PYGM: variants seen among roughly 807,000 people sequenced by gnomAD.
PYGM encodes glycogen phosphorylase, muscle associated.
A neutral mutation model predicts 99.3 loss-of-function variants in PYGM; 81 were observed. The ratio of observed to expected loss-of-function variants is 0.82; its 90% confidence interval spans 0.68 to 0.98. PYGM has a LOEUF of 0.98. Among genes scored for constraint, PYGM ranks in the 50% least tolerant of loss-of-function variants. The probability of loss-of-function intolerance (pLI) is 0.00; values close to 1 mark genes in which losing one functional copy is unlikely to be tolerated. For synonymous variants in PYGM, 436 were observed against 451.5 expected (o/e 0.97, Z 0.44); for missense variants, 1,030 against 1,158.1 (o/e 0.89, Z 1.61).
intron 13 of PYGM, 115 bp from the exon 14 acceptor site, chr11:64,752,186 C>G: frequency 7.0e-7 from 1 of 1,437,688 alleles, no homozygotes; most frequent in South Asian, 1.2e-5. Flanking sequence ...CTGGCTACTT[C>G]TGTCCACTCC....
Position 64,755,562 on chromosome 11 carries a change from CG to C in PYGM, c.661-5del, listed in dbSNP as rs768761419. 3 of 1,612,474 alleles carry C rather than the reference CG, an allele frequency of 1.9e-6. No individual in the cohort carries two copies. Among genetic ancestry groups the C allele is most frequent in the Non-Finnish European group, 1.7e-6 (2 of 1,178,704 alleles). On this transcript the variant is annotated splice_region_variant and splice_polypyrimidine_tract_variant and intron_variant, in intron 5 of 19. Transcript: ENST00000164139. The surrounding 1 kb of genome is among the most constrained non-coding windows in gnomAD (Gnocchi z 4.1). ...CGTAGGGCATGGCCAGTACCACCTG[CG>C]GGGGGCAATCCTGTCAGGAGCTGGC...
intron 18 of PYGM, 42 bp from the exon 19 acceptor site, chr11:64,747,029 CTAGGA>C: frequency 1.2e-6 from 2 of 1,606,662 alleles, no homozygotes; most frequent in South Asian, 2.2e-5. Flanking sequence ...CTTTAGGGGG[CTAGGA>C]TAAGTTCTAT....
intron 12 of PYGM, 140 bp downstream of exon 12, chr11:64,752,933 G>A (rs553026668): frequency 4.0e-5 from 35 of 864,978 alleles, no homozygotes; most frequent in Middle Eastern, 2.8e-4. Context: ...AGGTGGATGC[G>A]AGGCTTGGGG....
rs751157254 is a variant in PYGM at position 64,754,314 on chromosome 11, G to C, written c.1031C>G (p.Ser344Cys). 2 of 1,613,550 alleles carry C rather than the reference G, an allele frequency of 1.2e-6. No homozygotes were observed. The highest frequency in any genetic ancestry group is 4.5e-5 in the East Asian group (2 of 44,868). Residue 344 changes from serine to cysteine, a missense_variant, in exon 9 of 20, where the codon TCC (serine) becomes TGC (cysteine). Physicochemically the swap from Ser to Cys is moderately radical, Grantham distance 112. Transcript: ENST00000164139. This position sits in a 1 kb window ranked among gnomAD's most constrained non-coding sequence, Gnocchi z 5.5. ...VAIQLNDTHP[S>C]LAIPELMRIL... Reference sequence around the variant, plus strand: ...CCTCATCAGCTCGGGGATGGCCAGGGAGGGGTGGGTGTCATTGAGCTGGAT... The same window carrying C: ...CCTCATCAGCTCGGGGATGGCCAGGCAGGGGTGGGTGTCATTGAGCTGGAT...
Position 64,754,257 on chromosome 11 carries a change from T to A in PYGM, c.1088A>T (p.Asp363Val). ...ILVDLERMDW[D>V]KAWDVTVRTC... ...CAGAGGGGCCCTGAAGCCCACCTTGTCCCAGTCCATCCGTTCCAGGTCCAC... is the reference window on the plus strand; with the variant it reads ...CAGAGGGGCCCTGAAGCCCACCTTGACCCAGTCCATCCGTTCCAGGTCCAC... Residue 363 changes from aspartate to valine, a missense_variant, in exon 9 of 20, where the codon GAC becomes GTC. Asp to Val is a radical substitution (Grantham distance 152). Coordinates refer to ENST00000164139, the MANE Select transcript of PYGM (RefSeq NM_005609.4). The surrounding 1 kb of genome is among the most constrained non-coding windows in gnomAD (Gnocchi z 5.5). 3.7e-6 allele frequency: 6 copies of A among 1,612,564 alleles called. No homozygotes were observed. Among genetic ancestry groups the A allele is most frequent in the Non-Finnish European group, 5.1e-6 (6 of 1,178,910 alleles).
Position 64,754,238 on chromosome 11 carries a change from G to A in PYGM, c.1092+15C>T, listed in dbSNP as rs1319046232. On this transcript the variant is annotated intron_variant, in intron 9 of 19. Transcript: ENST00000164139. The surrounding 1 kb of genome is among the most constrained non-coding windows in gnomAD (Gnocchi z 5.5). ...CAGAGAGCATCAGATGGGGCAGAGG[G>A]GCCCTGAAGCCCACCTTGTCCCAGT... 1.5e-5 allele frequency: 24 copies of A among 1,605,324 alleles called. No individual in the cohort carries two copies. The East Asian group carries it at 4.9e-4, about 33-fold the overall frequency.
In PYGM at chr11:64,754,002, G is replaced by A; in HGVS notation, c.1116C>T (p.Thr372=). The part of the protein sequence containing the change: ...WDKAWDVTVR[T]CAYTNHTVLP... Reference sequence around the variant, plus strand: ...GCACCGTGTGGTTGGTGTAGGCACAGGTCCTCACTGTCACATCCCACGCCT... The same window carrying A: ...GCACCGTGTGGTTGGTGTAGGCACAAGTCCTCACTGTCACATCCCACGCCT... The change falls in exon 10 of 20, where the codon ACC becomes ACT. Residue 372 remains threonine (T), a synonymous_variant. Transcript: ENST00000164139. This position sits in a 1 kb window ranked among gnomAD's most constrained non-coding sequence, Gnocchi z 5.5. 1.2e-6 allele frequency: 2 copies of A among 1,605,692 alleles called. No individual in the cohort carries two copies. The highest frequency in any genetic ancestry group is 1.7e-6 in the Non-Finnish European group (2 of 1,176,058).
Position 64,754,426 on chromosome 11 carries a change from C to A in PYGM, c.1000-81G>T. ...ACTGCCCTATGCCATTTGGAGGCCC[C>A]CAGAGAGCCCAGCACGGTTCTGTGA... On this transcript the variant is annotated intron_variant, in intron 8 of 19. Transcript: ENST00000164139. The surrounding 1 kb of genome is among the most constrained non-coding windows in gnomAD (Gnocchi z 5.5). 2 of 1,288,168 alleles carry A rather than the reference C, an allele frequency of 1.6e-6. No individual in the cohort carries two copies. Among genetic ancestry groups the A allele is most frequent in the East Asian group, 4.8e-5 (2 of 41,924 alleles). The allele number at this position is 1,288,168 out of a possible 1,614,324, so 79.8% of individuals were successfully genotyped here.
chr11:64,760,031 T>C, upstream of PYGM: 1 of 1,355,416 alleles, frequency 7.4e-7, no homozygotes, highest in Non-Finnish European at 1.0e-6. Context: ...ACGCCCCGCC[T>C]CCCCTGCAAT....
chr11:64,758,733 T>TG, intron 1 of PYGM, 29 bp from the exon 2 acceptor site: 1 of 1,558,890 alleles, frequency 6.4e-7, no homozygotes, highest in Non-Finnish European at 8.8e-7. Context: ...GGGCAGGGAA[T>TG]GGGGTCAGGG....
In PYGM at chr11:64,755,817, G is replaced by T. The variant is rs1251964339; in HGVS notation, c.661-259C>A. On this transcript the variant is annotated intron_variant, in intron 5 of 19. Transcript: ENST00000164139. This position sits in a 1 kb window ranked among gnomAD's most constrained non-coding sequence, Gnocchi z 4.1. ...TGGTGAGGAAAATGGAAGGAGGCAG[G>T]TGATAAGCCCGGAACCCAGGAGGGG... 6.6e-6 allele frequency among the ~76,000 whole-genome samples: 1 copy of T among 152,226 alleles called. No homozygotes were observed. The highest frequency in any genetic ancestry group is 1.5e-5 in the Non-Finnish European group (1 of 68,040).
chr11:64,750,275 T>C, intron 17 of PYGM, 101 bp downstream of exon 17: 1 of 1,325,034 alleles, frequency 7.5e-7, no homozygotes, highest in South Asian at 1.2e-5. Context: ...AAGACCTTGC[T>C]GGGCCTGGAC....
At chr11:64,756,993 G>A (rs2058398331) in intron 5 of PYGM, among the ~76,000 whole-genome samples, 2 of 151,760 alleles carry the variant, frequency 1.3e-5, no homozygotes, top group South Asian at 4.2e-4. Context: ...TTGAGACGAG[G>A]TCTGGCTCTG....
intron 16 of PYGM, 103 bp from the exon 17 acceptor site, chr11:64,750,686 C>T (rs1343695356): frequency 1.2e-5 from 13 of 1,100,580 alleles, no homozygotes; most frequent in Non-Finnish European, 1.7e-5. Flanking sequence ...GACTCAGAGT[C>T]GCCCCACCCC....
rs1157266898 is a variant in PYGM at position 64,754,562 on chromosome 11, G to C, written c.999+131C>G. ...TCTGAGCCTGTGGATTGTGAATCCT[G>C]AACAACTGACCCTCCCACACTCCCA... On this transcript the variant is annotated intron_variant, in intron 8 of 19. Transcript: ENST00000164139. This position sits in a 1 kb window ranked among gnomAD's most constrained non-coding sequence, Gnocchi z 5.5. 1 of 1,365,818 alleles carries C rather than the reference G, an allele frequency of 7.3e-7. No individual in the cohort carries two copies. The highest frequency in any genetic ancestry group is 1.0e-6 in the Non-Finnish European group (1 of 995,038). 84.6% of individuals were successfully genotyped at this position (1,365,818 alleles called of 1,614,324 possible).
Position 64,754,577 on chromosome 11 carries a change from C to T in PYGM, c.999+116G>A. 3.5e-6 allele frequency: 5 copies of T among 1,433,184 alleles called. No homozygotes were observed. The highest frequency in any genetic ancestry group is 2.0e-5 in the Admixed American group (1 of 50,928). The allele number at this position is 1,433,184 out of a possible 1,614,324, so 88.8% of individuals were successfully genotyped here. Reference sequence around the variant, plus strand: ...TGTGAATCCTGAACAACTGACCCTCCCACACTCCCAGTCTCCACTCCCTTA... The same window carrying T: ...TGTGAATCCTGAACAACTGACCCTCTCACACTCCCAGTCTCCACTCCCTTA... On this transcript the variant is annotated intron_variant, in intron 8 of 19. Coordinates refer to ENST00000164139, the MANE Select transcript of PYGM (RefSeq NM_005609.4). The surrounding 1 kb of genome is among the most constrained non-coding windows in gnomAD (Gnocchi z 5.5).
rs2058318590 is a variant in PYGM, at chr11:64,747,204, TC to T, written c.2312+19del. 6.2e-7 allele frequency: 1 copy of T among 1,613,440 alleles called. No homozygotes were observed. Among genetic ancestry groups the T allele is most frequent in the African/African-American group, 1.3e-5 (1 of 74,874 alleles). On this transcript the variant is annotated intron_variant, in intron 18 of 19. Coordinates refer to ENST00000164139, the MANE Select transcript of PYGM (RefSeq NM_005609.4). ...TGCCCTGCGGCCCCACCTGAGTGATTCCCGGGCCAACCAGCTCACCGGTCAT... is the reference window on the plus strand; with the variant it reads ...TGCCCTGCGGCCCCACCTGAGTGATTCCGGGCCAACCAGCTCACCGGTCAT...
chr11:64,758,528 G>A lies in PYGM; in HGVS notation c.346-13C>T. Reference sequence around the variant, plus strand: ...TGTCCAGGCCCAGCTGGAGGAGTGAGGGTGACAGTGGTCAGGGTCAAGTGT... The same window carrying A: ...TGTCCAGGCCCAGCTGGAGGAGTGAAGGTGACAGTGGTCAGGGTCAAGTGT... On this transcript the variant is annotated splice_polypyrimidine_tract_variant and intron_variant, in intron 2 of 19. Coordinates refer to ENST00000164139, the MANE Select transcript of PYGM (RefSeq NM_005609.4). 6.2e-7 allele frequency: 1 copy of A among 1,614,048 alleles called. No individual in the cohort carries two copies. The highest frequency in any genetic ancestry group is 8.5e-7 in the Non-Finnish European group (1 of 1,179,988).
chr11:64,751,292 A>T, intron 16 of PYGM, 33 bp downstream of exon 16: 1 of 1,613,626 alleles, frequency 6.2e-7, no homozygotes, highest in Non-Finnish European at 8.5e-7. Context: ...AACTAGTCAG[A>T]GCCTCCCTAG....
Sources: gnomAD v4.1 joint callset for allele counts (sites outside exome capture counted in the v4.1 genomes callset) on GRCh38, gnomAD v4.1.1 for gene constraint, Gnocchi (gnomAD v3.1) non-coding constraint, MANE v1.5 for transcripts, NCBI Gene and HGNC (gene_info 2026-07-23, HGNC 2026-07-21) for gene names.